The following RXFP2 variants were observed in gnomAD, a reference collection of about 807,000 sequenced individuals.
RXFP2 encodes relaxin family peptide receptor 2.
A neutral mutation model predicts 88.6 loss-of-function variants in RXFP2; 68 were observed. The observed-to-expected ratio is 0.77, with a 90% confidence interval of 0.63 to 0.94. The LOEUF (loss-of-function observed/expected upper bound fraction) is 0.94. Among genes scored for constraint, RXFP2 ranks in the 40% least tolerant of loss-of-function variants. RXFP2 has a pLI of 0.00. For synonymous variants in RXFP2, 329 were observed against 306.8 expected (o/e 1.07, Z -0.76); for missense variants, 791 against 893.9 (o/e 0.88, Z 1.47).
chr13:31,765,951 T>C lies in RXFP2; in HGVS notation c.426-5T>C. ...TAATGAAGTTTGCTTTACATGTTATTTTAGGTCTCTTAAGAAAAACAAAAT... is the reference window on the plus strand; with the variant it reads ...TAATGAAGTTTGCTTTACATGTTATCTTAGGTCTCTTAAGAAAAACAAAAT... On this transcript the variant is annotated splice_polypyrimidine_tract_variant and splice_region_variant and intron_variant, in intron 4 of 17. Coordinates refer to ENST00000298386, the MANE Select transcript of RXFP2 (RefSeq NM_130806.5). The C allele has an allele frequency of 7.0e-7, 1 of 1,433,152 alleles. No homozygotes were observed. The highest frequency in any genetic ancestry group is 9.8e-7 in the Non-Finnish European group (1 of 1,023,488). 88.8% of individuals were successfully genotyped at this position (1,433,152 alleles called of 1,614,324 possible).
intron 1 of RXFP2, among the ~76,000 whole-genome samples, chr13:31,756,044 C>T (rs1215266372): frequency 6.6e-6 from 1 of 151,644 alleles, no homozygotes; most frequent in Non-Finnish European, 1.5e-5. Flanking sequence ...GTCATCAGGA[C>T]TAAATGACTC....
chr13:31,773,182 G>C (rs955902073), intron 5 of RXFP2, among the ~76,000 whole-genome samples: 4 of 152,184 alleles, frequency 2.6e-5, no homozygotes, highest in South Asian at 2.1e-4. Context: ...AATGTATGCT[G>C]CTCTGTGAAG....
intron 1 of RXFP2, among the ~76,000 whole-genome samples, chr13:31,751,189 G>A (rs1871656891): frequency 1.3e-5 from 2 of 152,136 alleles, no homozygotes; most frequent in African/African-American, 4.8e-5. Flanking sequence ...CTACTTGGGA[G>A]GCTGAGGCAG....
rs753124686 is a variant in RXFP2, at chr13:31,782,696, T to C, written c.878T>C (p.Ile293Thr). 21 of 1,612,006 alleles carry C rather than the reference T, an allele frequency of 1.3e-5. No individual in the cohort carries two copies. Among genetic ancestry groups the C allele is most frequent in the Non-Finnish European group, 1.7e-5 (20 of 1,178,200 alleles). The change falls in exon 11 of 18, where the codon ATT becomes ACT. Residue 293 changes from isoleucine (I) to threonine (T), a missense_variant. Physicochemically the swap from Ile to Thr is moderately conservative, Grantham distance 89 (BLOSUM62 -1). Coordinates refer to ENST00000298386, the MANE Select transcript of RXFP2 (RefSeq NM_130806.5). ...TACAGGTTTCTGCCTAGAAATCAAA[T>C]TGGTTTTGTTCCAGAGAAGACATTT... ...LTVLFLPRNQ[I>T]GFVPEKTFSS...
At chr13:31,782,128 GA>G (rs368068915) in intron 10 of RXFP2, among the ~76,000 whole-genome samples, 206 of 149,284 alleles carry the variant, frequency 1.4e-3, no homozygotes, top group East Asian at 4.5e-3. Flanking sequence ...TCTCCCTAAA[GA>G]AAAAAAAAAT....
chr13:31,760,334 G>T (rs570423989), intron 2 of RXFP2, among the ~76,000 whole-genome samples: 1 of 152,040 alleles, frequency 6.6e-6, no homozygotes, highest in Non-Finnish European at 1.5e-5. Context: ...TAGGTGATCC[G>T]CCCGCCTCGG....
chr13:31,763,162 C>T (rs1872382420), intron 3 of RXFP2, among the ~76,000 whole-genome samples: 1 of 150,212 alleles, frequency 6.7e-6, no homozygotes, highest in Non-Finnish European at 1.5e-5. Flanking sequence ...CAGCTCACTG[C>T]AGCCTCAAAC....
At chr13:31,796,824 T>G (rs1418874761) in intron 16 of RXFP2, among the ~76,000 whole-genome samples, 1 of 152,226 alleles carries the variant, frequency 6.6e-6, no homozygotes, top group African/African-American at 2.4e-5. Context: ...ATCCAAAATT[T>G]GAAATGCTCT....
intron 14 of RXFP2, among the ~76,000 whole-genome samples, chr13:31,790,264 A>C (rs1335765576): frequency 6.6e-6 from 1 of 152,160 alleles, no homozygotes; most frequent in Admixed American, 6.5e-5. Context: ...GTCACAGCGC[A>C]AGGGGGCCCT....
At chr13:31,796,038 C>CTTTTTTTTTTTTTTTTTTTTTTT (rs776535132) in intron 16 of RXFP2, among the ~76,000 whole-genome samples, 1 of 36,968 alleles carries the variant, frequency 2.7e-5, no homozygotes, top group African/African-American at 1.2e-4. Context: ...ATGTGTTATT[C>CTTTTTTTTTTTTTTTTTTTTTTT]TTTTTTTTTT....
chr13:31,761,797 G>A lies in RXFP2; in HGVS notation c.315G>A (p.Glu105=). ...CTAACAGCGTGGCCTTAACACAGGA[G>A]TGCTGTAAGTGGTTTTGATTCAAAG... ...GNANSVALTQ[E]CFLKQYPQCC... is the part of the protein sequence containing the mutation. Residue 105 remains glutamate, a synonymous_variant, in exon 3 of 18, where the codon GAG becomes GAA. Transcript: ENST00000298386. 6.2e-7 allele frequency: 1 copy of A among 1,606,006 alleles called. No homozygotes were observed. The highest frequency in any genetic ancestry group is 8.5e-7 in the Non-Finnish European group (1 of 1,172,816).
At position 31,758,265 on chromosome 13, in the gene RXFP2, A is replaced by C; in HGVS notation, c.102A>C (p.Ala34=). 1 of 1,614,056 alleles carries C rather than the reference A, an allele frequency of 6.2e-7. No homozygotes were observed. The highest frequency in any genetic ancestry group is 8.5e-7 in the Non-Finnish European group (1 of 1,179,954). ...GCCCCTTCTTTCATGTAGATTTTGCACTGACTCAAGGTAGCATGATCACTC... is the reference window on the plus strand; with the variant it reads ...GCCCCTTCTTTCATGTAGATTTTGCCCTGACTCAAGGTAGCATGATCACTC... ...FIVLINVKDF[A]LTQGSMITPS... Residue 34 remains alanine, a synonymous_variant, in exon 2 of 18, where the codon GCA becomes GCC. Coordinates refer to ENST00000298386, the MANE Select transcript of RXFP2 (RefSeq NM_130806.5).
intron 3 of RXFP2, among the ~76,000 whole-genome samples, chr13:31,762,245 T>C (rs866919586): frequency 6.6e-6 from 1 of 152,202 alleles, no homozygotes; most frequent in South Asian, 2.1e-4. Flanking sequence ...CACCAGGGAA[T>C]GGGGAAGCCC....
intron 5 of RXFP2, among the ~76,000 whole-genome samples, chr13:31,771,800 A>G (rs1045737982): frequency 6.6e-6 from 1 of 151,612 alleles, no homozygotes; most frequent in Non-Finnish European, 1.5e-5. Context: ...TTAAAAAAAA[A>G]AAAGAAAGAA....
intron 2 of RXFP2, 114 bp from the exon 3 acceptor site, chr13:31,761,610 A>T: frequency 1.4e-6 from 1 of 716,094 alleles, no homozygotes; most frequent in Non-Finnish European, 2.5e-6. Context: ...TAAAATATCA[A>T]TAATTCTATT....
intron 17 of RXFP2, among the ~76,000 whole-genome samples, 195 bp downstream of exon 17, chr13:31,797,614 G>T (rs1287892410): frequency 6.6e-6 from 1 of 152,144 alleles, no homozygotes; most frequent in Non-Finnish European, 1.5e-5. Context: ...ATAATAAAAA[G>T]CAGGAGCTAC....
intron 16 of RXFP2, among the ~76,000 whole-genome samples, chr13:31,793,583 A>G (rs889671461): frequency 2.0e-5 from 3 of 152,212 alleles, no homozygotes; most frequent in Non-Finnish European, 4.4e-5. Context: ...AGGGTGCTTA[A>G]TAAAGCTCTT....
chr13:31,745,830 G>C (rs976934810), intron 1 of RXFP2, among the ~76,000 whole-genome samples: 5 of 152,178 alleles, frequency 3.3e-5, no homozygotes, highest in Non-Finnish European at 7.3e-5. Context: ...GGTAGACTTT[G>C]TCCTTCAGAC....
At chr13:31,769,613 C>G (rs188681206) in intron 5 of RXFP2, among the ~76,000 whole-genome samples, 1 of 152,276 alleles carries the variant, frequency 6.6e-6, no homozygotes, top group Admixed American at 6.5e-5. Flanking sequence ...GGGAAGAACT[C>G]GCATCCCTTT....
Sources: gnomAD v4.1 joint callset for allele counts (sites outside exome capture counted in the v4.1 genomes callset) on GRCh38, gnomAD v4.1.1 for gene constraint, MANE v1.5 for transcripts, NCBI Gene and HGNC (gene_info 2026-07-23, HGNC 2026-07-21) for gene names.